PDGFC: variants seen among roughly 807,000 people sequenced by gnomAD.
The protein encoded by PDGFC is platelet-derived growth factor C.
PDGFC carries 12 observed loss-of-function variants against 35.5 expected under a neutral mutation model. The ratio of observed to expected loss-of-function variants is 0.34; its 90% CI spans 0.22 to 0.55. The LOEUF (loss-of-function observed/expected upper bound fraction) is 0.55. Among genes scored for constraint, PDGFC ranks in the 20% least tolerant of loss-of-function variants. The pLI, the probability that PDGFC is intolerant of heterozygous loss-of-function variation, is 0.91. For missense variants in PDGFC, 322 were observed against 412.4 expected, an observed-to-expected ratio of 0.78 and a Z score of 1.90; for synonymous variants, 159 against 148.8, an observed-to-expected ratio of 1.07 and a Z score of -0.50.
chr4:156,767,313 A>G (rs1192953136), intron 5 of PDGFC, among the ~76,000 whole-genome samples: 2 of 152,148 alleles, frequency 1.3e-5, no homozygotes, highest in African/African-American at 4.8e-5. Flanking sequence ...GAATAATACA[A>G]AGTTTATTAT....
chr4:156,778,641 C>T (rs907375488), intron 3 of PDGFC, among the ~76,000 whole-genome samples: 1 of 152,134 alleles, frequency 6.6e-6, no homozygotes, highest in African/African-American at 2.4e-5. Flanking sequence ...ATCTGAACTA[C>T]TTATAATTTC....
At chr4:156,798,310 G>A (rs1448323420) in intron 3 of PDGFC, among the ~76,000 whole-genome samples, 3 of 152,180 alleles carry the variant, frequency 2.0e-5, no homozygotes, top group Non-Finnish European at 4.4e-5. Flanking sequence ...CATCACAACA[G>A]CAAGGTCTAA....
chr4:156,923,843 T>C (rs1025414844), intron 1 of PDGFC, among the ~76,000 whole-genome samples: 1 of 152,110 alleles, frequency 6.6e-6, no homozygotes, highest in Non-Finnish European at 1.5e-5. Flanking sequence ...CTTGCACTTA[T>C]GCAGCTCATA....
At chr4:156,891,096 T>C (rs1286784210) in intron 1 of PDGFC, among the ~76,000 whole-genome samples, 1 of 151,836 alleles carries the variant, frequency 6.6e-6, no homozygotes, top group African/African-American at 2.4e-5. Context: ...GCTACAAACC[T>C]GTACAGCATG....
At chr4:156,810,786 G>A in intron 3 of PDGFC, 51 bp downstream of exon 3, 2 of 1,170,354 alleles carry the variant, frequency 1.7e-6, no homozygotes, top group South Asian at 3.0e-5. Flanking sequence ...AAAATAAAAA[G>A]AAACAAAAAG....
intron 1 of PDGFC, among the ~76,000 whole-genome samples, chr4:156,861,037 T>A (rs1729698605): frequency 6.6e-6 from 1 of 152,140 alleles, no homozygotes; most frequent in South Asian, 2.1e-4. Flanking sequence ...TTGAGAAACA[T>A]ACTTCTACTC....
intron 1 of PDGFC, among the ~76,000 whole-genome samples, chr4:156,961,006 G>A (rs1732330460): frequency 6.6e-6 from 1 of 151,992 alleles, no homozygotes; most frequent in Admixed American, 6.6e-5. Context: ...CCCAGACCCA[G>A]CAAGAAATTT....
At chr4:156,787,738 A>G (rs1731167362) in intron 3 of PDGFC, among the ~76,000 whole-genome samples, 1 of 152,108 alleles carries the variant, frequency 6.6e-6, no homozygotes, top group Non-Finnish European at 1.5e-5. Flanking sequence ...AGTAAGGAAG[A>G]CAAACAATGT....
At chr4:156,901,149 A>G (rs1730772061) in intron 1 of PDGFC, among the ~76,000 whole-genome samples, 1 of 152,130 alleles carries the variant, frequency 6.6e-6, no homozygotes, top group Non-Finnish European at 1.5e-5. Context: ...AAAAATACTG[A>G]TCTGAGACCC....
rs566970231 is a variant in PDGFC at position 156,829,631 on chromosome 4, T to C, written c.315-18614A>G. Among the ~76,000 whole-genome samples, 15 of 152,326 alleles carry C rather than the reference T, an allele frequency of 9.8e-5. 1 individual carries two copies. In the South Asian group the frequency reaches 2.7e-3, roughly 27 times the overall value. ...TACCATATCCTTTGATAGTCTCTTGTGTCACCAGAAAATTTGGCAGTTTTT... is the reference window on the plus strand; with the variant it reads ...TACCATATCCTTTGATAGTCTCTTGCGTCACCAGAAAATTTGGCAGTTTTT... On this transcript the variant is annotated intron_variant, in intron 2 of 5. Coordinates refer to ENST00000502773, the MANE Select transcript of PDGFC (RefSeq NM_016205.3).
intron 1 of PDGFC, among the ~76,000 whole-genome samples, chr4:156,910,469 T>C (rs1035264007): frequency 6.6e-6 from 1 of 152,182 alleles, no homozygotes; most frequent in Non-Finnish European, 1.5e-5. Flanking sequence ...TTTTCTAGCT[T>C]GTAGCTTTTA....
Position 156,945,331 on chromosome 4 carries a change from A to G in PDGFC, c.118+25455T>C, listed in dbSNP as rs1459856642. Reference sequence around the variant, plus strand: ...TTAAATTATATATATGTGTATATATACATATACATACATATATATATATAT... The same window carrying G: ...TTAAATTATATATATGTGTATATATGCATATACATACATATATATATATAT... On this transcript the variant is annotated intron_variant, in intron 1 of 5. Transcript: ENST00000502773. Among the ~76,000 whole-genome samples, 4 of 107,466 alleles carry G rather than the reference A, an allele frequency of 3.7e-5. No homozygotes were observed. In the South Asian group the frequency reaches 1.3e-3, roughly 34 times the overall value. The allele number at this position is 107,466 out of a possible 152,430, so 70.5% of individuals were successfully genotyped here. A position where few individuals can be genotyped will look rare whatever the true frequency, so the allele number is the denominator to read the frequency against.
chr4:156,936,708 C>T (rs1397081903), intron 1 of PDGFC, among the ~76,000 whole-genome samples: 2 of 152,144 alleles, frequency 1.3e-5, no homozygotes, highest in East Asian at 3.9e-4. Flanking sequence ...ACTGACATGT[C>T]GGACACCATT....
intron 1 of PDGFC, among the ~76,000 whole-genome samples, chr4:156,931,964 G>C (rs1297486573): frequency 1.3e-5 from 2 of 152,054 alleles, no homozygotes; most frequent in African/African-American, 4.8e-5. Flanking sequence ...AAGAGCATCT[G>C]CAATACTAAC....
intron 1 of PDGFC, among the ~76,000 whole-genome samples, chr4:156,870,157 T>G: frequency 6.6e-6 from 1 of 152,158 alleles, no homozygotes; most frequent in East Asian, 1.9e-4. Context: ...AAATTAAGAA[T>G]CCACTTAACC....
At chr4:156,767,699 G>T (rs1015251086) in intron 5 of PDGFC, 74 bp downstream of exon 5, 2 of 884,778 alleles carry the variant, frequency 2.3e-6, no homozygotes, top group African/African-American at 1.7e-5. Flanking sequence ...AAACATAAAC[G>T]CATTTCAGAT....
intron 1 of PDGFC, among the ~76,000 whole-genome samples, chr4:156,926,681 C>A (rs921440740): frequency 6.6e-6 from 1 of 152,314 alleles, no homozygotes; most frequent in Non-Finnish European, 1.5e-5. Context: ...GGTAGGTTTC[C>A]CTGGTCTTGC....
intron 1 of PDGFC, among the ~76,000 whole-genome samples, chr4:156,931,617 C>T (rs950989444): frequency 6.6e-6 from 1 of 152,068 alleles, no homozygotes; most frequent in Non-Finnish European, 1.5e-5. Context: ...AAATGCAAGG[C>T]TGTTAATATT....
intron 5 of PDGFC, among the ~76,000 whole-genome samples, chr4:156,766,616 A>T (rs887870100): frequency 6.6e-6 from 1 of 152,102 alleles, no homozygotes; most frequent in Non-Finnish European, 1.5e-5. Flanking sequence ...CATGACCTTT[A>T]CTTTTTTCCA....
Sources: allele counts gnomAD v4.1 joint callset (sites outside exome capture counted in the v4.1 genomes callset), GRCh38; gene constraint gnomAD v4.1.1; transcripts MANE v1.5; gene names NCBI Gene and HGNC (gene_info 2026-07-23, HGNC 2026-07-21).